The following DPP8 variants were observed in gnomAD, a reference collection of about 807,000 sequenced individuals.
DPP8 encodes the protein DPP VIII.
In DPP8, 31 loss-of-function variants were observed where a neutral mutation model predicts 107.5. The ratio of observed to expected loss-of-function variants is 0.29; its 90% CI spans 0.22 to 0.39. The LOEUF (loss-of-function observed/expected upper bound fraction) is 0.39, where lower values mean the gene tolerates loss of function less well. Among genes scored for constraint, DPP8 ranks in the 10% least tolerant of loss-of-function variants. DPP8 has a pLI of 1.00. For missense variants in DPP8, 842 were observed against 1,076.1 expected (o/e 0.78, Z 3.04); for synonymous variants, 381 against 356.6 (o/e 1.07, Z -0.77).
rs572298333 is a variant in DPP8 at position 65,449,653 on chromosome 15, G to A, written c.2526+1346C>T. Among the ~76,000 whole-genome samples, 311 of 152,088 alleles carry A rather than the reference G, an allele frequency of 2.0e-3. 3 individuals carry two copies. Among genetic ancestry groups the A allele is most frequent in the South Asian group, 8.3e-4 (4 of 4,820 alleles). On this transcript the variant is annotated intron_variant, in intron 19 of 19. Transcript: ENST00000300141. ...GTGAACTCTTGACCTCAGGTAATCCGCCTGCCTCGGCCTCCCAAAGTGTTG... is the reference window on the plus strand; with the variant it reads ...GTGAACTCTTGACCTCAGGTAATCCACCTGCCTCGGCCTCCCAAAGTGTTG...
chr15:65,499,097 G>GTT (rs2068908190), intron 4 of DPP8, among the ~76,000 whole-genome samples: 1 of 135,370 alleles, frequency 7.4e-6, no homozygotes, highest in African/African-American at 2.8e-5. Context: ...GTGTGTGTGT[G>GTT]TGTGTGTGTA....
chr15:65,448,920 A>ATATATATATATATATATG, intron 19 of DPP8, among the ~76,000 whole-genome samples: 1 of 90,906 alleles, frequency 1.1e-5, no homozygotes, highest in Admixed American at 1.5e-4. Flanking sequence ...ATATATATAT[A>ATATATATATATATATATG]TATTTAGCCT....
At position 65,447,557 on chromosome 15, in the gene DPP8, CTG is replaced by C. The variant is rs61209598; in HGVS notation, c.2527-553_2527-552del. 3.1e-3 allele frequency among the ~76,000 whole-genome samples: 466 copies of C among 152,282 alleles called. 1 individual carries two copies. The highest frequency in any genetic ancestry group is 0.011 in the African/African-American group (449 of 41,574). On this transcript the variant is annotated intron_variant, in intron 19 of 19. Transcript: ENST00000300141. ...TTTGAGTAGAAGTCTTTTTAATATT[CTG>C]TGTTTATGAAATGGGAATGCATAAA...
chr15:65,504,066 T>C (rs908876355), intron 3 of DPP8, among the ~76,000 whole-genome samples: 1 of 151,820 alleles, frequency 6.6e-6, no homozygotes, highest in Admixed American at 6.6e-5. Context: ...CTGGCCCTTT[T>C]TAAAAAAAAT....
At position 65,490,313 on chromosome 15, in the gene DPP8, A is replaced by G. The variant is rs751321402; in HGVS notation, c.716-14T>C. The stretch of plus-strand genomic sequence containing the variant: ...TGTTGGCTAGCTCTAGACAAATATA[A>G]AAGGCAAAATTATCACAGAAAGCTA... On this transcript the variant is annotated splice_polypyrimidine_tract_variant and intron_variant, in intron 5 of 19. Coordinates refer to ENST00000300141, the MANE Select transcript of DPP8 (RefSeq NM_130434.5). 33 of 1,514,154 alleles carry G rather than the reference A, an allele frequency of 2.2e-5. No individual in the cohort carries two copies. Among genetic ancestry groups the G allele is most frequent in the Non-Finnish European group, 2.9e-5 (32 of 1,090,158 alleles). The allele number at this position is 1,514,154 out of a possible 1,614,324, so 93.8% of individuals were successfully genotyped here.
At chr15:65,457,939 T>G (rs1239854175) in intron 15 of DPP8, among the ~76,000 whole-genome samples, 2 of 152,110 alleles carry the variant, frequency 1.3e-5, no homozygotes. Context: ...ATTACATGTG[T>G]GTGCCACAGC....
chr15:65,516,089 C>G (rs1242574239), intron 1 of DPP8: 1 of 326,774 alleles, frequency 3.1e-6, no homozygotes, highest in East Asian at 4.9e-5. Context: ...AAAAGGCATA[C>G]AGATGTGAAG....
At chr15:65,456,104 A>C in intron 16 of DPP8, 121 bp downstream of exon 16, 255 of 1,070,708 alleles carry the variant, frequency 2.4e-4, no homozygotes, top group East Asian at 6.0e-4. Context: ...ACTCTAACAC[A>C]TACACTCTCA....
intron 12 of DPP8, 27 bp downstream of exon 12, chr15:65,474,182 A>G (rs772584487): frequency 1.3e-6 from 2 of 1,494,532 alleles, no homozygotes; most frequent in African/African-American, 2.8e-5. Flanking sequence ...TACTGACCAA[A>G]CATATCAGTA....
intron 15 of DPP8, 32 bp from the exon 16 acceptor site, chr15:65,456,403 A>G (rs750384585): frequency 6.9e-6 from 11 of 1,587,312 alleles, no homozygotes; most frequent in Non-Finnish European, 9.4e-6. Flanking sequence ...AGTTTATCAT[A>G]TGGAAGCATA....
intron 9 of DPP8, among the ~76,000 whole-genome samples, 197 bp downstream of exon 9, chr15:65,481,318 T>G (rs2066908188): frequency 6.6e-6 from 1 of 152,214 alleles, no homozygotes; most frequent in Non-Finnish European, 1.5e-5. Context: ...AGAATTCAAC[T>G]GCAGTGCACC....
chr15:65,472,993 G>A (rs1252484574), intron 12 of DPP8, among the ~76,000 whole-genome samples: 2 of 151,316 alleles, frequency 1.3e-5, no homozygotes, highest in Admixed American at 6.6e-5. Context: ...AGCCAAGATT[G>A]TGCCACTGCA....
Position 65,500,792 on chromosome 15 carries a change from GA to G in DPP8, c.373-14del. On this transcript the variant is annotated splice_polypyrimidine_tract_variant and intron_variant, in intron 3 of 19. Coordinates refer to ENST00000300141, the MANE Select transcript of DPP8 (RefSeq NM_130434.5). ...AGTCCAGTGTTGCCTAATGTGAAAG[GA>G]AAGTCACCTATTCCAGTCTTCTGAA... 1 of 1,593,202 alleles carries G rather than the reference GA, an allele frequency of 6.3e-7. No homozygotes were observed. The highest frequency in any genetic ancestry group is 8.6e-7 in the Non-Finnish European group (1 of 1,166,750).
chr15:65,453,876 C>G (rs370006737), intron 17 of DPP8, among the ~76,000 whole-genome samples: 5 of 151,536 alleles, frequency 3.3e-5, no homozygotes, highest in Admixed American at 3.3e-4. Context: ...GGGAGGCCAA[C>G]GCAGGTGGAT....
At chr15:65,478,851 C>T in intron 11 of DPP8, 29 bp downstream of exon 11, 3 of 1,519,190 alleles carry the variant, frequency 2.0e-6, no homozygotes, top group Non-Finnish European at 1.8e-6. Flanking sequence ...AACATTTTTT[C>T]TTTTTTTAAA....
intron 11 of DPP8, 61 bp downstream of exon 11, chr15:65,478,819 G>A: frequency 8.5e-7 from 1 of 1,178,398 alleles, no homozygotes; most frequent in Non-Finnish European, 1.2e-6. Context: ...ACATTCCCCT[G>A]TCCCTCCCAC....
intron 3 of DPP8, among the ~76,000 whole-genome samples, chr15:65,505,424 C>A (rs1228435233): frequency 1.3e-5 from 2 of 151,788 alleles, no homozygotes; most frequent in African/African-American, 4.8e-5. Flanking sequence ...GGGCTACAAT[C>A]AACACTGATG....
rs374136552 is a variant in DPP8, at chr15:65,508,064, C to T, written c.260-709G>A. ...ACCAGCCTGGCCAACATGATGAAAC[C>T]TTGTCTGTACTAAAAATACAAAAAA... On this transcript the variant is annotated intron_variant, in intron 2 of 19. Transcript: ENST00000300141. Among the ~76,000 whole-genome samples, 44 of 151,864 alleles carry T rather than the reference C, an allele frequency of 2.9e-4. No individual in the cohort carries two copies. The East Asian group carries it at 6.0e-3, about 21-fold the overall frequency.
intron 9 of DPP8, 90 bp from the exon 10 acceptor site, chr15:65,480,489 A>G (rs958462270): frequency 2.5e-5 from 21 of 835,202 alleles, no homozygotes; most frequent in Non-Finnish European, 3.6e-5. Flanking sequence ...CCTATCAATT[A>G]TATCTGTAAT....
Sources: allele counts gnomAD v4.1 joint callset (sites outside exome capture counted in the v4.1 genomes callset), GRCh38; gene constraint gnomAD v4.1.1; transcripts MANE v1.5; gene names NCBI Gene and HGNC (gene_info 2026-07-23, HGNC 2026-07-21).